The following ERCC6L2 variants were observed in gnomAD, a reference collection of about 807,000 sequenced individuals.
The protein encoded by ERCC6L2 is DNA excision repair protein ERCC-6-like 2.
A neutral mutation model predicts 132.0 loss-of-function variants in ERCC6L2; 77 were observed. That is an observed-to-expected ratio of 0.58 (90% CI 0.49 to 0.71). The LOEUF is 0.71. Among genes scored for constraint, ERCC6L2 ranks in the 30% least tolerant of loss-of-function variants. The pLI, the probability that ERCC6L2 is intolerant of heterozygous loss-of-function variation, is 0.00. For missense variants in ERCC6L2, 1,542 were observed against 1,837.6 expected (o/e 0.84, Z 2.94); for synonymous variants, 583 against 632.4 (o/e 0.92, Z 1.17).
At chr9:95,979,728 C>G (rs903839636) in intron 17 of ERCC6L2, among the ~76,000 whole-genome samples, 4 of 152,156 alleles carry the variant, frequency 2.6e-5, no homozygotes, top group Admixed American at 1.3e-4. Context: ...TATACCATCT[C>G]TCAACCAACA....
intron 17 of ERCC6L2, among the ~76,000 whole-genome samples, chr9:95,990,426 AG>A (rs765431747): frequency 6.6e-6 from 1 of 152,080 alleles, no homozygotes; most frequent in Non-Finnish European, 1.5e-5. Flanking sequence ...CAAGACTCGG[AG>A]GGGGGGTCCA....
rs1215689313 is a variant in ERCC6L2, at chr9:95,972,808, A to G, written c.3057A>G (p.Thr1019=). The G allele has an allele frequency of 1.5e-6, 2 of 1,304,688 alleles. No individual in the cohort carries two copies. Among genetic ancestry groups the G allele is most frequent in the Non-Finnish European group, 2.0e-6 (2 of 988,912 alleles). 80.8% of individuals were successfully genotyped at this position (1,304,688 alleles called of 1,614,324 possible). The change falls in exon 16 of 19, where the codon ACA becomes ACG. Residue 1019 remains threonine, a synonymous_variant. Coordinates refer to ENST00000653738, the MANE Select transcript of ERCC6L2 (RefSeq NM_020207.7). The part of the protein sequence containing the change: ...TKKELHNSPK[T]MNKTNQVYAA... Reference sequence around the variant, plus strand: ...AAGAACTTCACAATTCTCCCAAAACAATGAACAAAACAAACCAAGTGTATG... The same window carrying G: ...AAGAACTTCACAATTCTCCCAAAACGATGAACAAAACAAACCAAGTGTATG...
intron 17 of ERCC6L2, among the ~76,000 whole-genome samples, chr9:96,002,450 C>T (rs1833721708): frequency 7.0e-6 from 1 of 142,062 alleles, no homozygotes; most frequent in Non-Finnish European, 1.5e-5. Flanking sequence ...GAGACAAGAT[C>T]TGGCCCTGTC....
chr9:95,907,341 T>TG (rs2010917882), intron 4 of ERCC6L2, 70 bp downstream of exon 4: 2 of 961,912 alleles, frequency 2.1e-6, no homozygotes, highest in Admixed American at 3.8e-5. Flanking sequence ...ATTAAGAGTT[T>TG]TTTTTTTTTT....
At chr9:95,961,615 G>A (rs560454474) in intron 13 of ERCC6L2, among the ~76,000 whole-genome samples, 1 of 152,236 alleles carries the variant, frequency 6.6e-6, no homozygotes, top group African/African-American at 2.4e-5. Flanking sequence ...TGAAACTTCT[G>A]TATGACAAAG....
intron 19 of ERCC6L2, among the ~76,000 whole-genome samples, chr9:96,034,155 C>A (rs920104755): frequency 1.3e-5 from 2 of 152,248 alleles, no homozygotes; most frequent in Non-Finnish European, 2.9e-5. Context: ...GTGCTCCCAT[C>A]TCAGTGCTGC....
At chr9:95,991,073 G>C (rs1439688592) in intron 17 of ERCC6L2, among the ~76,000 whole-genome samples, 4 of 151,932 alleles carry the variant, frequency 2.6e-5, no homozygotes, top group Non-Finnish European at 5.9e-5. Flanking sequence ...TTGCTTCTCT[G>C]CTTGCCGCTC....
At chr9:95,939,079 T>A (rs926737269) in intron 11 of ERCC6L2, among the ~76,000 whole-genome samples, 1 of 152,180 alleles carries the variant, frequency 6.6e-6, no homozygotes, top group African/African-American at 2.4e-5. Flanking sequence ...CTTCTTTTCC[T>A]ACTCCACTTT....
chr9:95,929,747 C>T (rs1043787658), intron 11 of ERCC6L2, among the ~76,000 whole-genome samples: 1 of 152,196 alleles, frequency 6.6e-6, no homozygotes, highest in African/African-American at 2.4e-5. Context: ...TTCATGCGTC[C>T]TTACATACAG....
chr9:95,941,200 A>G (rs1196031312), intron 11 of ERCC6L2, among the ~76,000 whole-genome samples: 2 of 152,212 alleles, frequency 1.3e-5, no homozygotes, highest in East Asian at 1.9e-4. Flanking sequence ...ATCAAAAAAA[A>G]GTAAAAACCA....
intron 11 of ERCC6L2, among the ~76,000 whole-genome samples, chr9:95,936,936 AGTT>A (rs1332427224): frequency 2.0e-5 from 3 of 152,130 alleles, no homozygotes; most frequent in African/African-American, 2.4e-5. Context: ...AAATTCATCC[AGTT>A]GTTGTATGTA....
intron 19 of ERCC6L2, among the ~76,000 whole-genome samples, chr9:96,033,525 G>A (rs148031741): frequency 7.2e-5 from 11 of 152,286 alleles, no homozygotes; most frequent in African/African-American, 2.6e-4. Context: ...GGGATAACAC[G>A]TGTGAACCAC....
At chr9:96,027,033 CAT>C (rs1044902154) in intron 19 of ERCC6L2, among the ~76,000 whole-genome samples, 26 of 148,362 alleles carry the variant, frequency 1.8e-4, no homozygotes, top group Admixed American at 4.7e-4. Context: ...ACCCCACACA[CAT>C]ACCCACCACC....
intron 17 of ERCC6L2, among the ~76,000 whole-genome samples, chr9:96,003,705 C>G (rs991919940): frequency 1.3e-5 from 2 of 152,256 alleles, no homozygotes; most frequent in Admixed American, 6.5e-5. Flanking sequence ...TGCTGAGCTT[C>G]AGCTCCCACT....
At chr9:95,938,339 G>A (rs1350436534) in intron 11 of ERCC6L2, among the ~76,000 whole-genome samples, 1 of 151,836 alleles carries the variant, frequency 6.6e-6, no homozygotes, top group African/African-American at 2.4e-5. Context: ...TGCTGTTCTA[G>A]GTGGAGTGTT....
Position 95,968,551 on chromosome 9 carries a change from G to A in ERCC6L2, c.2100+1837G>A, listed in dbSNP as rs1283008068. On this transcript the variant is annotated intron_variant, in intron 14 of 18. Coordinates refer to ENST00000653738, the MANE Select transcript of ERCC6L2 (RefSeq NM_020207.7). Reference sequence around the variant, plus strand: ...GAGTACCTATCATAAAGTAAAAGGAGTATTTCACTTCATGTGAGACATTTT... The same window carrying A: ...GAGTACCTATCATAAAGTAAAAGGAATATTTCACTTCATGTGAGACATTTT... The A allele has an allele frequency of 2.0e-5, 3 of 152,136 alleles. No individual in the cohort carries two copies. The East Asian group carries it at 5.8e-4, about 29-fold the overall frequency. 9.4% of individuals were successfully genotyped at this position (152,136 alleles called of 1,614,324 possible).
At chr9:96,009,408 T>C (rs75527357) in intron 18 of ERCC6L2, among the ~76,000 whole-genome samples, 42 of 152,210 alleles carry the variant, frequency 2.8e-4, no homozygotes, top group African/African-American at 1.0e-3. Context: ...TGCAGTCACA[T>C]GATCATCTGA....
chr9:95,882,843 G>A (rs1421757467), intron 2 of ERCC6L2, among the ~76,000 whole-genome samples: 1 of 152,130 alleles, frequency 6.6e-6, no homozygotes, highest in Non-Finnish European at 1.5e-5. Context: ...ATTGTTTGTG[G>A]AATAAATGAA....
Position 96,018,292 on chromosome 9 carries a change from C to T in ERCC6L2, c.*5089C>T, listed in dbSNP as rs1333680516. ...AAAAGTAAGACCAAAAGCAACACCT[C>T]TCCAGAATGTGTGTTATATACCAAA... On this transcript the variant is annotated 3_prime_UTR_variant, in exon 19 of 19. Transcript: ENST00000653738. Among the ~76,000 whole-genome samples the T allele has an allele frequency of 6.6e-6, 1 of 152,168 alleles. No individual in the cohort carries two copies.
Sources: allele counts gnomAD v4.1 joint callset (sites outside exome capture counted in the v4.1 genomes callset), GRCh38; gene constraint gnomAD v4.1.1; transcripts MANE v1.5; gene names NCBI Gene and HGNC (gene_info 2026-07-23, HGNC 2026-07-21).